Variants in DNAJC6 observed in about 807,000 individuals in gnomAD.
DNAJC6 encodes DnaJ heat shock protein family (Hsp40) member C6.
A neutral mutation model predicts 110.0 loss-of-function variants in DNAJC6; 34 were observed. The observed-to-expected ratio is 0.31, with a 90% CI of 0.24 to 0.41. The LOEUF (loss-of-function observed/expected upper bound fraction) is 0.41. DNAJC6 is among the 10% of genes least tolerant of loss of function. DNAJC6 has a pLI of 1.00. For missense variants in DNAJC6, 1,031 were observed against 1,207.8 expected, an observed-to-expected ratio of 0.85 and a Z score of 2.17; for synonymous variants, 406 against 437.2, an observed-to-expected ratio of 0.93 and a Z score of 0.89.
chr1:65,272,812 T>G (rs1201291188), intron 1 of DNAJC6, among the ~76,000 whole-genome samples: 2 of 152,234 alleles, frequency 1.3e-5, no homozygotes, highest in Non-Finnish European at 2.9e-5. Context: ...AGTGTTGGGC[T>G]TACAGGCGTG....
intron 1 of DNAJC6, among the ~76,000 whole-genome samples, chr1:65,290,316 C>G (rs1400985589): frequency 6.6e-6 from 1 of 152,128 alleles, no homozygotes; most frequent in Non-Finnish European, 1.5e-5. Flanking sequence ...TTTATATTTT[C>G]ACTTTCTTAA....
At chr1:65,279,562 C>G (rs1007476217) in intron 1 of DNAJC6, 3 of 152,052 alleles carry the variant, frequency 2.0e-5, no homozygotes, top group Admixed American at 1.3e-4. Context: ...AAATATACAT[C>G]TAATATATAT....
Position 65,310,159 on chromosome 1 carries a change from C to T in DNAJC6, c.193+221C>T, listed in dbSNP as rs539565165. Among the ~76,000 whole-genome samples, 701 of 148,604 alleles carry T rather than the reference C, an allele frequency of 4.7e-3. 4 individuals carry two copies. Among genetic ancestry groups the T allele is most frequent in the African/African-American group, 0.017 (673 of 40,364 alleles). ...CAGTCCTGAGGCCCAGAGACTGTAG[C>T]GAGCTCCTCCTAATCTCTCTAGACT... On this transcript the variant is annotated intron_variant, in intron 1 of 18. Coordinates refer to ENST00000371069, the MANE Select transcript of DNAJC6 (RefSeq NM_001256864.2).
chr1:65,397,223 A>G (rs1035533712), intron 13 of DNAJC6, among the ~76,000 whole-genome samples: 7 of 152,190 alleles, frequency 4.6e-5, no homozygotes, highest in African/African-American at 1.7e-4. Context: ...CCCCGTCTTC[A>G]CATAGGACAG....
chr1:65,390,213 A>G (rs1445654438), intron 11 of DNAJC6, among the ~76,000 whole-genome samples: 1 of 152,100 alleles, frequency 6.6e-6, no homozygotes, highest in African/African-American at 2.4e-5. Flanking sequence ...TGATTTGTTT[A>G]TGATCTCCCT....
intron 1 of DNAJC6, among the ~76,000 whole-genome samples, chr1:65,318,540 A>T (rs1645168346): frequency 6.6e-6 from 1 of 152,252 alleles, no homozygotes; most frequent in Non-Finnish European, 1.5e-5. Flanking sequence ...GAATGAGATC[A>T]TGACCTTTGC....
chr1:65,345,765 T>A, intron 1 of DNAJC6: 1 of 784,778 alleles, frequency 1.3e-6, no homozygotes, highest in Non-Finnish European at 1.5e-6. Flanking sequence ...GCCCATGTCT[T>A]CTGTATGTAG....
intron 1 of DNAJC6, among the ~76,000 whole-genome samples, chr1:65,342,365 A>G (rs545075401): frequency 2.0e-4 from 30 of 152,244 alleles, no homozygotes; most frequent in African/African-American, 7.0e-4. Context: ...AGCCATCGTG[A>G]ACGAGATTAG....
chr1:65,318,557 A>T (rs1486810854), intron 1 of DNAJC6, among the ~76,000 whole-genome samples: 2 of 152,236 alleles, frequency 1.3e-5, no homozygotes, highest in South Asian at 4.1e-4. Flanking sequence ...TTGCAGGGAC[A>T]TGGATGGAGC....
chr1:65,338,756 C>T (rs187438549), intron 1 of DNAJC6, among the ~76,000 whole-genome samples: 23 of 152,150 alleles, frequency 1.5e-4, no homozygotes, highest in Admixed American at 1.4e-3. Context: ...TCTTAAATTT[C>T]GGATAAAATT....
intron 1 of DNAJC6, among the ~76,000 whole-genome samples, chr1:65,345,434 A>G (rs951292090): frequency 1.3e-5 from 2 of 152,106 alleles, no homozygotes; most frequent in Non-Finnish European, 1.5e-5. Flanking sequence ...CCTCCATTTT[A>G]CAGTTGAGAA....
At chr1:65,288,145 G>A (rs999685098) in intron 1 of DNAJC6, among the ~76,000 whole-genome samples, 6 of 152,086 alleles carry the variant, frequency 3.9e-5, no homozygotes, top group Admixed American at 3.3e-4. Flanking sequence ...CTGAGGAAGG[G>A]GATCTGGGGG....
intron 9 of DNAJC6, among the ~76,000 whole-genome samples, chr1:65,388,759 T>C (rs541286098): frequency 6.6e-6 from 1 of 152,340 alleles, no homozygotes; most frequent in Non-Finnish European, 1.5e-5. Context: ...AGTGGTATGG[T>C]ATCAGCAATG....
chr1:65,390,928 C>T (rs1327777962), intron 11 of DNAJC6, among the ~76,000 whole-genome samples: 1 of 152,200 alleles, frequency 6.6e-6, no homozygotes, highest in East Asian at 1.9e-4. Context: ...TACAACTTCA[C>T]TCTTTCCTCT....
rs1376653642 is a variant in DNAJC6, at chr1:65,360,244, T to G, written c.194-4391T>G. Reference sequence around the variant, plus strand: ...GTAGAGCAACATCAAATAATGCCCCTCTTCTTTTTTGTGTGGCCTTGCCAG... The same window carrying G: ...GTAGAGCAACATCAAATAATGCCCCGCTTCTTTTTTGTGTGGCCTTGCCAG... On this transcript the variant is annotated intron_variant, in intron 1 of 18. Coordinates refer to ENST00000371069, the MANE Select transcript of DNAJC6 (RefSeq NM_001256864.2). Among the ~76,000 whole-genome samples, 4 of 152,184 alleles carry G rather than the reference T, an allele frequency of 2.6e-5. No individual in the cohort carries two copies. The East Asian group carries it at 7.7e-4, about 29-fold the overall frequency.
chr1:65,400,233 T>C (rs1646017942), intron 14 of DNAJC6, among the ~76,000 whole-genome samples: 1 of 152,242 alleles, frequency 6.6e-6, no homozygotes. Flanking sequence ...ATTTGTCGTG[T>C]ACAATATGAT....
At chr1:65,284,045 C>A (rs1653935010) in intron 1 of DNAJC6, among the ~76,000 whole-genome samples, 1 of 152,076 alleles carries the variant, frequency 6.6e-6, no homozygotes, top group Non-Finnish European at 1.5e-5. Flanking sequence ...TCCCGGGGTC[C>A]CCTTTTTACC....
At chr1:65,331,897 A>T (rs1003408153) in intron 1 of DNAJC6, among the ~76,000 whole-genome samples, 1 of 152,160 alleles carries the variant, frequency 6.6e-6, no homozygotes. Context: ...GACTTATTCC[A>T]TGTGGTAATG....
In DNAJC6 at chr1:65,392,599, C is replaced by T. The variant is rs527325320; in HGVS notation, c.1637C>T (p.Ala546Val). ...KKPSKKQQEPAAPPPPEDVDL... is the reference protein window; with the variant it reads ...KKPSKKQQEPVAPPPPEDVDL... ...CCCAGCAAAAAGCAGCAGGAGCCAG[C>T]AGCCCCTCCACCCCCTGAGGATGTG... Residue 546 changes from alanine to valine, a missense_variant, in exon 12 of 19, where the codon GCA becomes GTA. Transcript: ENST00000371069. 13 of 1,614,070 alleles carry T rather than the reference C, an allele frequency of 8.1e-6. No individual in the cohort carries two copies. In the African/African-American group the frequency reaches 1.6e-4, roughly 20 times the overall value.
Sources: gnomAD v4.1 joint callset for allele counts (sites outside exome capture counted in the v4.1 genomes callset) on GRCh38, gnomAD v4.1.1 for gene constraint, MANE v1.5 for transcripts, NCBI Gene and HGNC (gene_info 2026-07-23, HGNC 2026-07-21) for gene names.